The following CWH43 variants were observed in gnomAD, a reference collection of about 807,000 sequenced individuals.
CWH43 encodes the protein PGAP2-interacting protein.
Under a neutral mutation model 85.7 loss-of-function variants are expected in CWH43, and 91 were observed. That is an observed-to-expected ratio of 1.06 (90% CI 0.90 to 1.26). The LOEUF (loss-of-function observed/expected upper bound fraction) is 1.26. Ranked by LOEUF, CWH43 falls within the 50% of genes most tolerant of loss-of-function variation. CWH43 has a pLI of 0.00. For synonymous variants in CWH43, 323 were observed against 293.6 expected (o/e 1.10, Z -1.02); for missense variants, 869 against 839.2 (o/e 1.04, Z -0.44).
intron 13 of CWH43, among the ~76,000 whole-genome samples, chr4:49,039,364 C>T (rs1471455473): frequency 1.3e-4 from 7 of 54,684 alleles, no homozygotes; most frequent in Middle Eastern, 0.011. Flanking sequence ...TATATATATA[C>T]TGATGTATAT....
chr4:49,041,041 A>G (rs1476384342), intron 13 of CWH43, among the ~76,000 whole-genome samples: 1 of 152,302 alleles, frequency 6.6e-6, no homozygotes, highest in East Asian at 1.9e-4. Context: ...TTTGTCAAAG[A>G]TCAGATAGTT....
At chr4:49,047,265 T>G (rs985362363) in intron 14 of CWH43, among the ~76,000 whole-genome samples, 3 of 152,218 alleles carry the variant, frequency 2.0e-5, no homozygotes, top group Non-Finnish European at 4.4e-5. Context: ...TCTCTTGCTC[T>G]AGACTCCATT....
chr4:49,045,086 A>G (rs1784583519), intron 14 of CWH43, among the ~76,000 whole-genome samples: 1 of 152,202 alleles, frequency 6.6e-6, no homozygotes. Context: ...ATAAGAGGGT[A>G]CTGTGTAGGC....
rs568096054 is a variant in CWH43, at chr4:49,003,573, A to G, written c.803-162A>G. The G allele has an allele frequency of 4.4e-6, 3 of 677,866 alleles. No homozygotes were observed. The Admixed American group carries it at 7.5e-5, about 17-fold the overall frequency. The allele number at this position is 677,866 out of a possible 1,614,324, so 42.0% of individuals were successfully genotyped here. A position where few individuals can be genotyped will look rare whatever the true frequency, so the allele number is the denominator to read the frequency against. ...TTGAGACAATAACTGGCTGTGTGACATTAGGCAAATCACATTAACCTTGTC... is the reference window on the plus strand; with the variant it reads ...TTGAGACAATAACTGGCTGTGTGACGTTAGGCAAATCACATTAACCTTGTC... On this transcript the variant is annotated intron_variant, in intron 6 of 15. Transcript: ENST00000226432.
chr4:49,003,807 T>A lies in CWH43; in HGVS notation c.875T>A (p.Ile292Asn). ...GCTGTGTCTGGCTGTGTCTTCGCCA[T>A]CTTTACTGCATCCATGTGGCCCCAA... ...AAAVSGCVFA[I>N]FTASMWPQTL... The change falls in exon 7 of 16, where the codon ATC becomes AAC. Residue 292 changes from isoleucine (I) to asparagine (N), a missense_variant. Around this residue, in one of 3 missense-constraint regions of CWH43, gnomAD observed 577 missense variants for 513.1 expected, o/e 1.12. Coordinates refer to ENST00000226432, the MANE Select transcript of CWH43 (RefSeq NM_025087.3). 6.2e-7 allele frequency: 1 copy of A among 1,614,032 alleles called. No individual in the cohort carries two copies. Among genetic ancestry groups the A allele is most frequent in the Non-Finnish European group, 8.5e-7 (1 of 1,179,930 alleles).
intron 15 of CWH43, among the ~76,000 whole-genome samples, chr4:49,060,500 A>G (rs544303038): frequency 2.0e-5 from 3 of 152,068 alleles, no homozygotes; most frequent in African/African-American, 4.8e-5. Context: ...CCTGGTGCCA[A>G]TGTTCATTGG....
At chr4:49,053,957 A>G (rs1286340372) in intron 15 of CWH43, among the ~76,000 whole-genome samples, 1 of 152,128 alleles carries the variant, frequency 6.6e-6, no homozygotes, top group Non-Finnish European at 1.5e-5. Flanking sequence ...CTCTCATCCC[A>G]TAGGTTGTCT....
At chr4:49,031,091 G>A in intron 11 of CWH43, 131 bp downstream of exon 11, 2 of 836,476 alleles carry the variant, frequency 2.4e-6, no homozygotes, top group South Asian at 4.6e-5. Flanking sequence ...GGGATGAGGA[G>A]GTGCTGGAGA....
chr4:49,040,575 C>A (rs1011537815), intron 13 of CWH43, among the ~76,000 whole-genome samples: 1 of 152,134 alleles, frequency 6.6e-6, no homozygotes, highest in Non-Finnish European at 1.5e-5. Flanking sequence ...CCTTGGCCCA[C>A]TTTTTGATGG....
intron 9 of CWH43, among the ~76,000 whole-genome samples, chr4:49,026,200 A>G (rs1203697566): frequency 6.6e-6 from 1 of 152,170 alleles, no homozygotes; most frequent in East Asian, 1.9e-4. Flanking sequence ...TCTCACTCCA[A>G]CCGTGCCCCC....
intron 15 of CWH43, among the ~76,000 whole-genome samples, chr4:49,056,877 A>C (rs1784981068): frequency 2.0e-5 from 3 of 152,308 alleles, no homozygotes; most frequent in Admixed American, 1.3e-4. Context: ...AACATAATTT[A>C]AATCTTTCCT....
chr4:49,015,920 C>G (rs1783528611), intron 8 of CWH43, among the ~76,000 whole-genome samples: 1 of 152,122 alleles, frequency 6.6e-6, no homozygotes, highest in African/African-American at 2.4e-5. Flanking sequence ...TGAATACCCT[C>G]TTTTATTTCT....
chr4:49,051,435 A>G (rs1296983164), intron 15 of CWH43, among the ~76,000 whole-genome samples: 1 of 152,198 alleles, frequency 6.6e-6, no homozygotes, highest in Admixed American at 6.5e-5. Flanking sequence ...CCCCAGACCA[A>G]TTTATCAGGA....
chr4:49,054,410 G>T (rs1009801475), intron 15 of CWH43, among the ~76,000 whole-genome samples: 1 of 152,044 alleles, frequency 6.6e-6, no homozygotes, highest in Non-Finnish European at 1.5e-5. Flanking sequence ...ATTACTACAG[G>T]TTTGTAGTGT....
At chr4:49,043,526 T>C (rs143815977) in intron 13 of CWH43, among the ~76,000 whole-genome samples, 1 of 152,358 alleles carries the variant, frequency 6.6e-6, no homozygotes, top group Non-Finnish European at 1.5e-5. Context: ...TGGATTCTTA[T>C]ATTGCTTTCT....
intron 9 of CWH43, among the ~76,000 whole-genome samples, chr4:49,026,470 A>G (rs1783920117): frequency 6.6e-6 from 1 of 152,086 alleles, no homozygotes; most frequent in Non-Finnish European, 1.5e-5. Flanking sequence ...TGGGAGCTGC[A>G]AGTTAGTTTT....
intron 6 of CWH43, among the ~76,000 whole-genome samples, chr4:49,000,634 T>C (rs1170718548): frequency 6.6e-6 from 1 of 152,210 alleles, no homozygotes; most frequent in Non-Finnish European, 1.5e-5. Context: ...ACATAAAGTA[T>C]AAGCAAAGTG....
intron 11 of CWH43, among the ~76,000 whole-genome samples, chr4:49,031,597 G>A (rs1223243862): frequency 6.6e-6 from 1 of 152,150 alleles, no homozygotes; most frequent in Non-Finnish European, 1.5e-5. Context: ...GTTGTGATTG[G>A]AAGCCACTGG....
At chr4:49,042,457 A>G (rs1784493736) in intron 13 of CWH43, among the ~76,000 whole-genome samples, 1 of 152,188 alleles carries the variant, frequency 6.6e-6, no homozygotes, top group African/African-American at 2.4e-5. Flanking sequence ...AGATGAGTTC[A>G]GCTTTGGGCT....
Sources: allele counts gnomAD v4.1 joint callset (sites outside exome capture counted in the v4.1 genomes callset), GRCh38; gene constraint gnomAD v4.1.1; regional missense constraint gnomAD v4.1.1; transcripts MANE v1.5; gene names NCBI Gene and HGNC (gene_info 2026-07-23, HGNC 2026-07-21).